Variants in ARHGAP5 observed in about 807,000 individuals in gnomAD.
ARHGAP5 encodes the protein rho GTPase-activating protein 5.
Under a neutral mutation model 116.6 loss-of-function variants are expected in ARHGAP5, and 23 were observed. The observed-to-expected ratio is 0.20, with a 90% CI of 0.14 to 0.28. ARHGAP5 has a LOEUF of 0.28. Among genes scored for constraint, ARHGAP5 ranks in the 10% least tolerant of loss-of-function variants. ARHGAP5 has a pLI of 1.00. For synonymous variants in ARHGAP5, 574 were observed against 602.0 expected (o/e 0.95, Z 0.68); for missense variants, 1,405 against 1,774.8 (o/e 0.79, Z 3.74).
intron 3 of ARHGAP5, among the ~76,000 whole-genome samples, chr14:32,134,104 C>T (rs906168075): frequency 1.2e-4 from 18 of 152,222 alleles, no homozygotes; most frequent in East Asian, 7.7e-4. Context: ...TCCAGCAGCA[C>T]GTCAGAAAGC....
rs1878946323 is a variant in ARHGAP5, at chr14:32,105,049, A to G, written c.3717+10663A>G. Among the ~76,000 whole-genome samples, 2 of 152,178 alleles carry G rather than the reference A, an allele frequency of 1.3e-5. 1 individual carries two copies. Among genetic ancestry groups the G allele is most frequent in the Admixed American group, 1.3e-4 (2 of 15,288 alleles). On this transcript the variant is annotated intron_variant, in intron 2 of 6. Coordinates refer to ENST00000345122, the MANE Select transcript of ARHGAP5 (RefSeq NM_001030055.2). Reference sequence around the variant, plus strand: ...TTGCAGAATTCACAGGCCATCTTCCACAACAAAGGATTATACAGCCCAAAG... The same window carrying G: ...TTGCAGAATTCACAGGCCATCTTCCGCAACAAAGGATTATACAGCCCAAAG...
At chr14:32,153,054 T>G (rs949077361) in intron 6 of ARHGAP5, among the ~76,000 whole-genome samples, 22 of 150,828 alleles carry the variant, frequency 1.5e-4, no homozygotes, top group African/African-American at 4.6e-4. Flanking sequence ...TTTTTTTGTT[T>G]TTTTTTTTTT....
intron 4 of ARHGAP5, among the ~76,000 whole-genome samples, chr14:32,147,961 T>A (rs1043992292): frequency 5.3e-5 from 8 of 152,208 alleles, no homozygotes; most frequent in African/African-American, 1.9e-4. Flanking sequence ...TAGCCCAGCC[T>A]GGGCAACACA....
chr14:32,149,158 T>A (rs1284287972), intron 4 of ARHGAP5, among the ~76,000 whole-genome samples: 2 of 151,782 alleles, frequency 1.3e-5, no homozygotes, highest in Non-Finnish European at 2.9e-5. Flanking sequence ...ATTTTTTCTT[T>A]CTAGTTACTT....
At chr14:32,147,616 T>C (rs1403149484) in intron 4 of ARHGAP5, among the ~76,000 whole-genome samples, 2 of 152,198 alleles carry the variant, frequency 1.3e-5, no homozygotes, top group African/African-American at 4.8e-5. Context: ...TGCATAAGCA[T>C]GCCAAGATAT....
intron 2 of ARHGAP5, among the ~76,000 whole-genome samples, chr14:32,104,041 C>T (rs1046329686): frequency 6.6e-6 from 1 of 151,826 alleles, no homozygotes; most frequent in Non-Finnish European, 1.5e-5. Context: ...GGGTATTTTC[C>T]CTAGAAAAAT....
intron 2 of ARHGAP5, among the ~76,000 whole-genome samples, chr14:32,095,401 GT>G (rs869055864): frequency 0.018 from 2,173 of 120,942 alleles, 35 homozygotes; most frequent in African/African-American, 0.06. Context: ...TGTAAACTTT[GT>G]TTTTTTTTTT....
intron 2 of ARHGAP5, among the ~76,000 whole-genome samples, chr14:32,113,267 G>T (rs2139061042): frequency 6.6e-6 from 1 of 152,242 alleles, no homozygotes; most frequent in Non-Finnish European, 1.5e-5. Context: ...ATACATTTTT[G>T]TTCATCACAA....
intron 2 of ARHGAP5, among the ~76,000 whole-genome samples, chr14:32,096,292 A>G (rs1389079763): frequency 1.3e-5 from 2 of 152,220 alleles, no homozygotes; most frequent in Non-Finnish European, 2.9e-5. Flanking sequence ...TAGTCTTTCT[A>G]ATTACAGTAT....
chr14:32,156,906 C>G lies in ARHGAP5; in HGVS notation c.*1958C>G, dbSNP rs373353214. ...TGAAAAGAGAATTTTCAAAACTGTT[C>G]GTGTCTTCAGTTCATTCTGTCATAA... On this transcript the variant is annotated 3_prime_UTR_variant, in exon 7 of 7. Transcript: ENST00000345122. 6.6e-6 allele frequency: 1 copy of G among 152,274 alleles called. No homozygotes were observed. Among genetic ancestry groups the G allele is most frequent in the Non-Finnish European group, 1.5e-5 (1 of 67,786 alleles). The allele number at this position is 152,274 out of a possible 1,614,324, so 9.4% of individuals were successfully genotyped here.
chr14:32,135,922 T>C (rs1426245057), intron 3 of ARHGAP5, among the ~76,000 whole-genome samples: 1 of 152,258 alleles, frequency 6.6e-6, no homozygotes, highest in Non-Finnish European at 1.5e-5. Context: ...TATGTTTTAC[T>C]GTGTTAAAAT....
At chr14:32,101,491 G>A (rs531036228) in intron 2 of ARHGAP5, among the ~76,000 whole-genome samples, 32 of 152,144 alleles carry the variant, frequency 2.1e-4, no homozygotes, top group African/African-American at 5.8e-4. Context: ...ATATGAAAAT[G>A]TTTCTGTTGT....
Position 32,093,756 on chromosome 14 carries a change from C to T in ARHGAP5, c.3087C>T (p.Asp1029=). The change falls in exon 2 of 7, where the codon GAC becomes GAT. Residue 1029 remains aspartate (D), a synonymous_variant. Coordinates refer to ENST00000345122, the MANE Select transcript of ARHGAP5 (RefSeq NM_001030055.2). ...TTCATAGTACCCCAAACTGTCATGA[C>T]CATGAACGCAACCATAAAGTGCCTC... ...YPIHSTPNCH[D]HERNHKVPPP... 1 of 1,614,048 alleles carries T rather than the reference C, an allele frequency of 6.2e-7. No individual in the cohort carries two copies. The highest frequency in any genetic ancestry group is 8.5e-7 in the Non-Finnish European group (1 of 1,179,978).
intron 3 of ARHGAP5, among the ~76,000 whole-genome samples, chr14:32,143,244 T>TATC (rs1881218939): frequency 6.6e-6 from 1 of 151,308 alleles, no homozygotes; most frequent in African/African-American, 2.4e-5. Context: ...TTGTTGTTAT[T>TATC]ATTATTATTA....
chr14:32,115,329 A>G (rs1017966446), intron 2 of ARHGAP5, among the ~76,000 whole-genome samples: 1 of 152,202 alleles, frequency 6.6e-6, no homozygotes, highest in Non-Finnish European at 1.5e-5. Flanking sequence ...ACTATCCTGA[A>G]AATGTTTTGT....
At chr14:32,086,334 C>T (rs1375468405) in intron 1 of ARHGAP5, among the ~76,000 whole-genome samples, 3 of 151,944 alleles carry the variant, frequency 2.0e-5, no homozygotes, top group African/African-American at 7.3e-5. Flanking sequence ...TAGCAGTACT[C>T]GAGAGTTTTA....
chr14:32,081,273 T>TTATTTAGCTAAAGGAAAG (rs2041769685), intron 1 of ARHGAP5, among the ~76,000 whole-genome samples: 1 of 152,112 alleles, frequency 6.6e-6, no homozygotes, highest in East Asian at 1.9e-4. Flanking sequence ...TAGTAGAAAG[T>TTATTTAGCTAAAGGAAAG]TATTTAGCTA....
intron 1 of ARHGAP5, among the ~76,000 whole-genome samples, chr14:32,087,490 C>CT (rs756495863): frequency 0.016 from 2,065 of 126,134 alleles, 53 homozygotes; most frequent in African/African-American, 0.053. Context: ...CCCTCCCCCG[C>CT]TTTTTTTTTT....
Position 32,157,766 on chromosome 14 carries a change from G to A in ARHGAP5, c.*2818G>A, listed in dbSNP as rs1280189113. 6.6e-6 allele frequency: 1 copy of A among 150,702 alleles called. No individual in the cohort carries two copies. Among genetic ancestry groups the A allele is most frequent in the Non-Finnish European group, 1.5e-5 (1 of 67,528 alleles). 9.3% of individuals were successfully genotyped at this position (150,702 alleles called of 1,614,324 possible). On this transcript the variant is annotated 3_prime_UTR_variant, in exon 7 of 7. Transcript: ENST00000345122. ...CGCAATCTAAGTTAGCCAAAAAGCA[G>A]CTTTTTTTCCCATACTGTATGTAAA...
Sources: gnomAD v4.1 joint callset for allele counts (sites outside exome capture counted in the v4.1 genomes callset) on GRCh38, gnomAD v4.1.1 for gene constraint, MANE v1.5 for transcripts, NCBI Gene and HGNC (gene_info 2026-07-23, HGNC 2026-07-21) for gene names.